The following ARB2A variants were observed in gnomAD, a reference collection of about 807,000 sequenced individuals.
ARB2A encodes the protein cotranscriptional regulator ARB2A.
chr5:93,776,998 A>G, the ARB2A span, among the ~76,000 whole-genome samples: 3 of 152,158 alleles, frequency 2.0e-5, no homozygotes, highest in Non-Finnish European at 2.9e-5. Context: ...TTTGTGTAAT[A>G]CCACAAGAAA....
the ARB2A span, among the ~76,000 whole-genome samples, chr5:93,833,117 T>C: frequency 1.3e-5 from 2 of 152,234 alleles, no homozygotes; most frequent in African/African-American, 4.8e-5. Flanking sequence ...TCATTGGTTC[T>C]TCTCTACTCT....
chr5:93,640,771 T>C, the ARB2A span, among the ~76,000 whole-genome samples: 67 of 152,220 alleles, frequency 4.4e-4, no homozygotes, highest in African/African-American at 1.5e-3. Flanking sequence ...TCTGGGTCTG[T>C]AAATATTTAC....
At chr5:93,955,124 C>T in the ARB2A span, among the ~76,000 whole-genome samples, 4 of 152,148 alleles carry the variant, frequency 2.6e-5, no homozygotes, top group Non-Finnish European at 5.9e-5. Context: ...GGTACTGTGA[C>T]TGCTCACCGG....
At chr5:93,871,454 G>A in the ARB2A span, among the ~76,000 whole-genome samples, 2 of 152,278 alleles carry the variant, frequency 1.3e-5, no homozygotes, top group Admixed American at 1.3e-4. Flanking sequence ...CCTTTTTAGT[G>A]TGGGTATAGC....
At chr5:93,743,581 C>T in the ARB2A span, 275 of 983,640 alleles carry the variant, frequency 2.8e-4, 1 homozygote, top group East Asian at 0.021. Context: ...ATCTGCCAAA[C>T]GGAATGAAAG....
the ARB2A span, among the ~76,000 whole-genome samples, chr5:93,869,359 G>A: frequency 6.6e-6 from 1 of 152,152 alleles, no homozygotes; most frequent in Non-Finnish European, 1.5e-5. Flanking sequence ...TACAGTTACT[G>A]TCCAATATTA....
the ARB2A span, among the ~76,000 whole-genome samples, chr5:93,903,308 C>G: frequency 1.3e-5 from 2 of 151,910 alleles, no homozygotes; most frequent in Admixed American, 6.6e-5. Context: ...ATAAAAAAAG[C>G]TTTTCTACTA....
chr5:93,649,306 A>T, the ARB2A span, among the ~76,000 whole-genome samples: 2 of 152,220 alleles, frequency 1.3e-5, no homozygotes, highest in African/African-American at 4.8e-5. Flanking sequence ...TATAAAAGAC[A>T]TCTATTTGAT....
chr5:93,677,401 T>C, the ARB2A span, among the ~76,000 whole-genome samples: 1 of 152,232 alleles, frequency 6.6e-6, no homozygotes. Context: ...TTCAAGCTTC[T>C]CTGAACTTTG....
chr5:93,620,823 T>G, the ARB2A span: 2 of 872,550 alleles, frequency 2.3e-6, no homozygotes, highest in Non-Finnish European at 3.2e-6. Context: ...ACAGTTGCAC[T>G]CATCTAGAAA....
chr5:93,779,674 G>T, the ARB2A span, among the ~76,000 whole-genome samples: 2 of 152,168 alleles, frequency 1.3e-5, no homozygotes, highest in African/African-American at 4.8e-5. Flanking sequence ...GGCCAGGGCG[G>T]GCAGATAGGG....
chr5:94,101,314 G>A, the ARB2A span, among the ~76,000 whole-genome samples: 2 of 152,158 alleles, frequency 1.3e-5, no homozygotes, highest in African/African-American at 4.8e-5. Flanking sequence ...AGATGCCTGC[G>A]AAGTTGTGGA....
the ARB2A span, among the ~76,000 whole-genome samples, chr5:93,676,355 A>C: frequency 6.6e-6 from 1 of 152,210 alleles, no homozygotes; most frequent in Non-Finnish European, 1.5e-5. Context: ...GTAGAGTACT[A>C]AGTTTTATAA....
the ARB2A span, among the ~76,000 whole-genome samples, chr5:93,776,700 C>G: frequency 6.6e-6 from 1 of 152,106 alleles, no homozygotes; most frequent in Non-Finnish European, 1.5e-5. Flanking sequence ...ATGGCTTGAA[C>G]CCAGGAGGCA....
the ARB2A span, among the ~76,000 whole-genome samples, chr5:93,652,163 G>GT: frequency 6.6e-6 from 1 of 152,204 alleles, no homozygotes; most frequent in East Asian, 1.9e-4. Flanking sequence ...CCCAATGTTG[G>GT]TAAGGACATG....
chr5:94,066,725 T>C, the ARB2A span, among the ~76,000 whole-genome samples: 1 of 152,100 alleles, frequency 6.6e-6, no homozygotes, highest in Non-Finnish European at 1.5e-5. Flanking sequence ...TTCAGGACCA[T>C]ATGGCTTTAC....
chr5:93,917,162 G>A, the ARB2A span, among the ~76,000 whole-genome samples: 1 of 152,130 alleles, frequency 6.6e-6, no homozygotes, highest in African/African-American at 2.4e-5. Context: ...ACAGTGGCTA[G>A]GGCTAGCATT....
At chr5:93,954,681 C>T in the ARB2A span, among the ~76,000 whole-genome samples, 1,457 of 145,690 alleles carry the variant, frequency 0.01, 10 homozygotes, top group Non-Finnish European at 0.015. Flanking sequence ...CTAAGCACAG[C>T]ACAGCACAGC....
At chr5:93,681,570 ATCTT>A in the ARB2A span, among the ~76,000 whole-genome samples, 3 of 152,102 alleles carry the variant, frequency 2.0e-5, no homozygotes, top group Admixed American at 6.6e-5. Flanking sequence ...TTTGGGCTCT[ATCTT>A]CTCAACAAAT....
Sources: allele counts gnomAD v4.1 joint callset (sites outside exome capture counted in the v4.1 genomes callset), GRCh38; gene constraint gnomAD v4.1.1; transcripts MANE v1.5; gene names NCBI Gene and HGNC (gene_info 2026-07-23, HGNC 2026-07-21).